CHLSN: variants seen among roughly 807,000 people sequenced by gnomAD.
CHLSN encodes protein cholesin.
At chr7:1,016,893 C>G in the CHLSN span, among the ~76,000 whole-genome samples, 24 of 137,464 alleles carry the variant, frequency 1.7e-4, 2 homozygotes, top group African/African-American at 6.2e-4. Flanking sequence ...CACACACCAG[C>G]GCACAGCAGC....
the CHLSN span, chr7:988,530 G>A: frequency 1.3e-6 from 2 of 1,597,560 alleles, no homozygotes; most frequent in East Asian, 2.2e-5. Context: ...AGGTTCTGAA[G>A]GCGGCTGTGG....
At chr7:1,074,745 C>T in the CHLSN span, 43,311 of 152,374 alleles carry the variant, frequency 0.28, 6,690 homozygotes, top group Middle Eastern at 0.44. Flanking sequence ...ACCGAGGAGA[C>T]GAAGAAGAAA....
At chr7:1,117,672 A>C in the CHLSN span, among the ~76,000 whole-genome samples, 1 of 127,486 alleles carries the variant, frequency 7.8e-6, no homozygotes, top group African/African-American at 3.0e-5. Context: ...ACCGACGCCC[A>C]TGCAGGATGA....
the CHLSN span, chr7:1,127,305 T>C: frequency 4.3e-6 from 7 of 1,612,048 alleles, no homozygotes; most frequent in Non-Finnish European, 5.9e-6. Context: ...GGCCCAGCAG[T>C]GGCCCCTCTG....
At chr7:995,454 AC>A in the CHLSN span, among the ~76,000 whole-genome samples, 1 of 152,030 alleles carries the variant, frequency 6.6e-6, no homozygotes, top group Non-Finnish European at 1.5e-5. Flanking sequence ...AGCAGTACCC[AC>A]CCCATTTCCC....
At chr7:1,040,772 G>A in the CHLSN span, among the ~76,000 whole-genome samples, 1 of 151,858 alleles carries the variant, frequency 6.6e-6, no homozygotes, top group African/African-American at 2.4e-5. Context: ...TCATTAAGAG[G>A]ATGTAAGAGA....
chr7:1,041,548 A>T, the CHLSN span, among the ~76,000 whole-genome samples: 1 of 152,218 alleles, frequency 6.6e-6, no homozygotes, highest in Admixed American at 6.5e-5. Flanking sequence ...AGAGTGTCAG[A>T]TGATGACATG....
At chr7:1,135,401 A>G in the CHLSN span, among the ~76,000 whole-genome samples, 24 of 152,240 alleles carry the variant, frequency 1.6e-4, no homozygotes, top group East Asian at 4.6e-3. Flanking sequence ...ACATATATAC[A>G]CATATATATA....
At chr7:994,306 G>A in the CHLSN span, among the ~76,000 whole-genome samples, 2 of 150,924 alleles carry the variant, frequency 1.3e-5, no homozygotes, top group African/African-American at 2.4e-5. Context: ...CACTACAGGC[G>A]CCCACCACCA....
chr7:1,042,398 C>G, the CHLSN span, among the ~76,000 whole-genome samples: 1 of 152,226 alleles, frequency 6.6e-6, no homozygotes, highest in Non-Finnish European at 1.5e-5. Flanking sequence ...CCCCCTACGC[C>G]CCAATCTGTG....
At chr7:1,024,802 T>C in the CHLSN span, 3 of 152,166 alleles carry the variant, frequency 2.0e-5, no homozygotes, top group African/African-American at 7.2e-5. Context: ...AGCCCCCAGA[T>C]CCTGCGAGCG....
the CHLSN span, among the ~76,000 whole-genome samples, chr7:1,013,111 C>T: frequency 1.3e-5 from 2 of 152,168 alleles, no homozygotes; most frequent in Non-Finnish European, 2.9e-5. Flanking sequence ...GGACCTGCTG[C>T]TTGCTCTGCT....
chr7:1,033,949 C>T, the CHLSN span, among the ~76,000 whole-genome samples: 160 of 152,354 alleles, frequency 1.1e-3, 3 homozygotes, highest in East Asian at 0.022. Flanking sequence ...TGCTATCCAG[C>T]ATCAGGCTGG....
At chr7:1,122,728 C>T in the CHLSN span, among the ~76,000 whole-genome samples, 2 of 152,140 alleles carry the variant, frequency 1.3e-5, no homozygotes, top group African/African-American at 4.8e-5. Context: ...GTTAAAGGAA[C>T]GTGAAAACAG....
chr7:1,098,668 C>T, the CHLSN span, among the ~76,000 whole-genome samples: 1 of 146,812 alleles, frequency 6.8e-6, no homozygotes. Flanking sequence ...GGAGCTGCCA[C>T]GCTCGGTGAG....
the CHLSN span, chr7:1,058,187 GGGCCGGCTGGAGCCCTCGGCACACA>G: frequency 1.3e-6 from 1 of 741,874 alleles, no homozygotes; most frequent in Non-Finnish European, 2.5e-6. Flanking sequence ...ACCGGGACAC[GGGCCGGCTGGAGCCCTCGGCACACA>G]GGCTGCTGGT....
chr7:1,060,956 G>A, the CHLSN span, among the ~76,000 whole-genome samples: 3 of 152,096 alleles, frequency 2.0e-5, no homozygotes, highest in Non-Finnish European at 2.9e-5. Context: ...CTGCAGCCCA[G>A]CTCTGCAGGG....
chr7:983,500 C>T, the CHLSN span: 1 of 1,096,368 alleles, frequency 9.1e-7, no homozygotes, highest in Non-Finnish European at 1.2e-6. Flanking sequence ...GTGCCGGGCC[C>T]AGCGGGGCAC....
the CHLSN span, chr7:997,373 C>T: frequency 2.2e-6 from 1 of 449,506 alleles, no homozygotes; most frequent in East Asian, 3.7e-5. Context: ...AGCATCCACG[C>T]TCTGCGCTGA....
Sources: gnomAD v4.1 joint callset for allele counts (sites outside exome capture counted in the v4.1 genomes callset) on GRCh38, gnomAD v4.1.1 for gene constraint, MANE v1.5 for transcripts, NCBI Gene and HGNC (gene_info 2026-07-23, HGNC 2026-07-21) for gene names.